The following ABTB2 variants were observed in gnomAD, a reference collection of about 807,000 sequenced individuals.
ABTB2 encodes the protein ankyrin repeat and BTB domain containing 2, also known as ankyrin repeat and BTB/POZ domain-containing protein 2.
In ABTB2, 56 loss-of-function variants were observed where a neutral mutation model predicts 104.1. That is an observed-to-expected ratio of 0.54 (90% CI 0.43 to 0.67). ABTB2 has a LOEUF of 0.67. Among genes scored for constraint, ABTB2 ranks in the 30% least tolerant of loss-of-function variants. The pLI, the probability that ABTB2 is intolerant of heterozygous loss-of-function variation, is 0.00. For synonymous variants in ABTB2, 606 were observed against 608.2 expected (o/e 1.00, Z 0.05); for missense variants, 1,279 against 1,407.7 (o/e 0.91, Z 1.46).
intron 1 of ABTB2, among the ~76,000 whole-genome samples, chr11:34,253,671 G>A (rs368148644): frequency 8.4e-4 from 118 of 140,082 alleles, no homozygotes; most frequent in African/African-American, 2.9e-3. Flanking sequence ...GCGAGATTCC[G>A]TCTCAAAAAA....
chr11:34,179,568 C>T (rs985996881), intron 3 of ABTB2, among the ~76,000 whole-genome samples: 5 of 152,314 alleles, frequency 3.3e-5, no homozygotes, highest in Admixed American at 3.3e-4. Context: ...GGTCCTAGAC[C>T]CCTTCCCTGT....
intron 1 of ABTB2, among the ~76,000 whole-genome samples, chr11:34,246,496 G>A (rs1853984515): frequency 6.6e-6 from 1 of 150,462 alleles, no homozygotes; most frequent in South Asian, 2.1e-4. Flanking sequence ...AGCTACTTGG[G>A]AGGCTTAGGC....
At chr11:34,235,723 A>G (rs1228845066) in intron 1 of ABTB2, among the ~76,000 whole-genome samples, 1 of 152,168 alleles carries the variant, frequency 6.6e-6, no homozygotes, top group Non-Finnish European at 1.5e-5. Flanking sequence ...CACCACTCCT[A>G]TGAAGTAGCA....
intron 1 of ABTB2, among the ~76,000 whole-genome samples, chr11:34,247,304 G>A (rs1213412411): frequency 6.6e-6 from 1 of 152,210 alleles, no homozygotes; most frequent in Non-Finnish European, 1.5e-5. Context: ...GGAGACAGCT[G>A]GTCCCTGACT....
At chr11:34,323,407 A>G (rs1360565143) in intron 1 of ABTB2, among the ~76,000 whole-genome samples, 2 of 152,134 alleles carry the variant, frequency 1.3e-5, no homozygotes, top group African/African-American at 4.8e-5. Flanking sequence ...ATGTTTTTAA[A>G]TTTTTATAAT....
chr11:34,350,530 T>TC (rs1207480631), intron 1 of ABTB2, among the ~76,000 whole-genome samples: 1 of 152,130 alleles, frequency 6.6e-6, no homozygotes, highest in Non-Finnish European at 1.5e-5. Context: ...CAATAATGGC[T>TC]CTTTAAAATC....
Position 34,173,138 on chromosome 11 carries a change from T to C in ABTB2, c.1397+17A>G, listed in dbSNP as rs1246450763. 1.2e-6 allele frequency: 2 copies of C among 1,613,394 alleles called. No homozygotes were observed. The highest frequency in any genetic ancestry group is 1.7e-6 in the Non-Finnish European group (2 of 1,179,854). ...AGGTCATGGATGCCGGGGCCCTCCC[T>C]CCTCCCTGGTTCATACTTGAGCTGC... On this transcript the variant is annotated intron_variant, in intron 4 of 16. Transcript: ENST00000435224.
intron 1 of ABTB2, among the ~76,000 whole-genome samples, chr11:34,249,084 G>A (rs1294940679): frequency 1.3e-5 from 2 of 152,220 alleles, no homozygotes; most frequent in African/African-American, 4.8e-5. Flanking sequence ...AGCCGGGATC[G>A]TGCCATTGCA....
chr11:34,203,661 A>G (rs1853371290), intron 2 of ABTB2, among the ~76,000 whole-genome samples: 1 of 152,168 alleles, frequency 6.6e-6, no homozygotes, highest in Admixed American at 6.5e-5. Context: ...TGAACCAGGC[A>G]CCTTCATTTC....
At chr11:34,296,826 T>C (rs565443016) in intron 1 of ABTB2, among the ~76,000 whole-genome samples, 2 of 152,360 alleles carry the variant, frequency 1.3e-5, no homozygotes, top group South Asian at 4.1e-4. Flanking sequence ...TATCTAGACA[T>C]TGCAGAAATA....
At chr11:34,226,219 A>G (rs938943905) in intron 1 of ABTB2, among the ~76,000 whole-genome samples, 16 of 150,826 alleles carry the variant, frequency 1.1e-4, no homozygotes, top group African/African-American at 3.9e-4. Flanking sequence ...AAAAAAAAAA[A>G]AAAAAAAAGA....
intron 1 of ABTB2, among the ~76,000 whole-genome samples, chr11:34,336,707 GT>G (rs1855196792): frequency 6.6e-6 from 1 of 151,994 alleles, no homozygotes. Flanking sequence ...ACCCGGGTTT[GT>G]TTCCAAAGCC....
At chr11:34,300,217 C>T (rs1356445357) in intron 1 of ABTB2, among the ~76,000 whole-genome samples, 1 of 152,206 alleles carries the variant, frequency 6.6e-6, no homozygotes, top group African/African-American at 2.4e-5. Flanking sequence ...CCTTGCTTCA[C>T]AAGTTGTGGA....
At chr11:34,230,203 G>A (rs1853751267) in intron 1 of ABTB2, among the ~76,000 whole-genome samples, 1 of 152,214 alleles carries the variant, frequency 6.6e-6, no homozygotes, top group African/African-American at 2.4e-5. Context: ...TCAGAGCAGG[G>A]GGACCGGTGA....
chr11:34,183,832 G>T (rs141705135), intron 3 of ABTB2, among the ~76,000 whole-genome samples: 12 of 152,204 alleles, frequency 7.9e-5, no homozygotes, highest in African/African-American at 2.6e-4. Flanking sequence ...ACTCCTGGAG[G>T]CAAAGTCCTC....
chr11:34,335,850 G>T, intron 1 of ABTB2: 1 of 1,191,340 alleles, frequency 8.4e-7, no homozygotes, highest in Non-Finnish European at 1.2e-6. Flanking sequence ...CCTTTTGAGA[G>T]CATATATCTG....
chr11:34,273,894 T>C (rs1393041172), intron 1 of ABTB2, among the ~76,000 whole-genome samples: 1 of 151,938 alleles, frequency 6.6e-6, no homozygotes, highest in Non-Finnish European at 1.5e-5. Flanking sequence ...GGCTCACGCC[T>C]GTAATCCCAG....
At chr11:34,215,189 G>A (rs1011058948) in intron 1 of ABTB2, among the ~76,000 whole-genome samples, 7 of 152,214 alleles carry the variant, frequency 4.6e-5, no homozygotes, top group African/African-American at 1.7e-4. Context: ...TGCTGGGCAG[G>A]GGGTGAGGGA....
intron 1 of ABTB2, among the ~76,000 whole-genome samples, chr11:34,328,538 C>T (rs1855095689): frequency 6.6e-6 from 1 of 152,204 alleles, no homozygotes; most frequent in African/African-American, 2.4e-5. Context: ...AAATTCTTAG[C>T]ACTGTACCTG....
Sources: gnomAD v4.1 joint callset for allele counts (sites outside exome capture counted in the v4.1 genomes callset) on GRCh38, gnomAD v4.1.1 for gene constraint, MANE v1.5 for transcripts, NCBI Gene and HGNC (gene_info 2026-07-23, HGNC 2026-07-21) for gene names.